Variants in CWH43 observed in about 807,000 individuals in gnomAD.
CWH43 encodes the protein cell wall biogenesis 43 C-terminal homolog.
In CWH43, 91 loss-of-function variants were observed where a neutral mutation model predicts 85.7. The ratio of observed to expected loss-of-function variants is 1.06; its 90% CI spans 0.90 to 1.26. CWH43 has a LOEUF of 1.26. CWH43 is among the 50% of genes most tolerant of loss of function. The pLI is 0.00. For missense variants in CWH43, 869 were observed against 839.2 expected (o/e 1.04, Z -0.44); for synonymous variants, 323 against 293.6 (o/e 1.10, Z -1.02).
chr4:49,057,064 A>G (rs1169916575), intron 15 of CWH43, among the ~76,000 whole-genome samples: 2 of 152,220 alleles, frequency 1.3e-5, no homozygotes, highest in East Asian at 1.9e-4. Context: ...GTGGCCTAAC[A>G]TAAGATTTGT....
chr4:48,997,052 C>G (rs1223471291), intron 5 of CWH43, among the ~76,000 whole-genome samples: 1 of 152,178 alleles, frequency 6.6e-6, no homozygotes, highest in African/African-American at 2.4e-5. Context: ...ATATTAGAGA[C>G]TTTTGCAGGT....
chr4:49,046,016 G>C (rs1293882263), intron 14 of CWH43, among the ~76,000 whole-genome samples: 1 of 151,898 alleles, frequency 6.6e-6, no homozygotes, highest in Non-Finnish European at 1.5e-5. Context: ...CCTTCTCCCT[G>C]TTCTCCCCCA....
At chr4:49,050,898 T>C (rs1248758157) in intron 15 of CWH43, 49 bp downstream of exon 15, 1 of 1,358,434 alleles carries the variant, frequency 7.4e-7, no homozygotes, top group African/African-American at 1.5e-5. Flanking sequence ...TGCATCCCTC[T>C]ATGGAACCTA....
At chr4:49,059,268 A>T (rs769861690) in intron 15 of CWH43, among the ~76,000 whole-genome samples, 1 of 152,068 alleles carries the variant, frequency 6.6e-6, no homozygotes, top group Non-Finnish European at 1.5e-5. Context: ...CAGTTTAGTT[A>T]TGATGTTCCT....
chr4:48,990,050 C>T (rs1230297785), intron 2 of CWH43, among the ~76,000 whole-genome samples: 1 of 152,118 alleles, frequency 6.6e-6, no homozygotes, highest in Non-Finnish European at 1.5e-5. Flanking sequence ...TTGGTGCTGC[C>T]TATGTGGGCC....
intron 1 of CWH43, 131 bp from the exon 2 acceptor site, chr4:48,988,346 T>A: frequency 1.6e-6 from 1 of 611,346 alleles, no homozygotes; most frequent in Non-Finnish European, 2.7e-6. Context: ...TGGAGACAAC[T>A]GGAACCCAGT....
chr4:48,994,431 A>G (rs572087478), intron 4 of CWH43, among the ~76,000 whole-genome samples, 188 bp from the exon 5 acceptor site: 1 of 152,328 alleles, frequency 6.6e-6, no homozygotes, highest in South Asian at 2.1e-4. Flanking sequence ...CCTGCATGGA[A>G]TTATGTCTCC....
At chr4:49,007,075 A>G (rs1317519170) in intron 7 of CWH43, 126 bp from the exon 8 acceptor site, 2 of 1,078,640 alleles carry the variant, frequency 1.9e-6, no homozygotes, top group Non-Finnish European at 2.5e-6. Flanking sequence ...AGGTTCTGAG[A>G]TAAATTAAAT....
chr4:49,041,553 A>G (rs1784463592), intron 13 of CWH43, among the ~76,000 whole-genome samples: 1 of 152,122 alleles, frequency 6.6e-6, no homozygotes, highest in Admixed American at 6.6e-5. Flanking sequence ...TTTGTCTATT[A>G]TTGGTGTATA....
intron 7 of CWH43, among the ~76,000 whole-genome samples, chr4:49,006,630 A>C (rs1783165405): frequency 6.6e-6 from 1 of 152,152 alleles, no homozygotes; most frequent in African/African-American, 2.4e-5. Context: ...AGATGAAGTA[A>C]GTAAACTTTA....
At chr4:49,040,587 G>A (rs1784427841) in intron 13 of CWH43, among the ~76,000 whole-genome samples, 1 of 152,122 alleles carries the variant, frequency 6.6e-6, no homozygotes, top group Admixed American at 6.6e-5. Context: ...TTTTGATGGG[G>A]TTGTTTGTTT....
intron 13 of CWH43, among the ~76,000 whole-genome samples, chr4:49,039,013 G>A (rs954583257): frequency 9.3e-5 from 14 of 150,684 alleles, no homozygotes; most frequent in South Asian, 6.3e-4. Flanking sequence ...AGCTGAGATC[G>A]CACCACTACA....
At chr4:49,007,528 AG>A (rs1394054027) in intron 8 of CWH43, among the ~76,000 whole-genome samples, 2 of 152,152 alleles carry the variant, frequency 1.3e-5, no homozygotes, top group Non-Finnish European at 2.9e-5. Context: ...CACAACGTGC[AG>A]GTTTGTTACA....
chr4:49,050,439 T>C (rs1784756949), intron 14 of CWH43, among the ~76,000 whole-genome samples: 7 of 152,160 alleles, frequency 4.6e-5, no homozygotes, highest in Admixed American at 4.6e-4. Context: ...TATTCATTAG[T>C]ATAAAAAAAG....
intron 11 of CWH43, chr4:49,031,210 G>T: frequency 2.6e-6 from 1 of 377,504 alleles, no homozygotes; most frequent in South Asian, 7.6e-5. Context: ...CACCAAGCAT[G>T]TCTGGCCTGG....
rs78996420 is a variant in CWH43, at chr4:48,998,459, G to A, written c.714-1G>A. On this transcript the variant is annotated splice_acceptor_variant, in intron 5 of 15. Transcript: ENST00000226432. LOFTEE classifies it high-confidence loss of function. The stretch of plus-strand genomic sequence containing the variant: ...GTCTTAGAGCATGTCCTTTTTCACA[G>A]AGGTGCAGTACTGCTGTGCTTGGCA... 4.9e-5 allele frequency: 79 copies of A among 1,610,992 alleles called. No homozygotes were observed. In the East Asian group the frequency reaches 1.7e-3, roughly 35 times the overall value.
Position 48,991,534 on chromosome 4 carries a change from G to A in CWH43, c.316G>A (p.Val106Met). 1 of 1,614,048 alleles carries A rather than the reference G, an allele frequency of 6.2e-7. No individual in the cohort carries two copies. The highest frequency in any genetic ancestry group is 8.5e-7 in the Non-Finnish European group (1 of 1,179,976). ...LALGVSSSLI[V>M]QAVTWWSGSH... ...GCTTGGGGTGTCTTCCTCACTGATAGTGCAAGCTGTGACTTGGTGGTCAGG... is the reference window on the plus strand; with the variant it reads ...GCTTGGGGTGTCTTCCTCACTGATAATGCAAGCTGTGACTTGGTGGTCAGG... Residue 106 changes from valine (V) to methionine (M), a missense_variant, in exon 3 of 16, where the codon GTG (valine) becomes ATG (methionine). Physicochemically the swap from Val to Met is conservative, Grantham distance 21 (BLOSUM62 1). Around this residue, in one of 3 missense-constraint regions of CWH43, gnomAD observed 140 missense variants for 122.6 expected, o/e 1.14. Coordinates refer to ENST00000226432, the MANE Select transcript of CWH43 (RefSeq NM_025087.3).
At chr4:49,039,127 T>A (rs1784357820) in intron 13 of CWH43, among the ~76,000 whole-genome samples, 1 of 141,728 alleles carries the variant, frequency 7.1e-6, no homozygotes, top group East Asian at 2.1e-4. Flanking sequence ...AAAAAAAGAA[T>A]TGAGAGTAAA....
rs532940506 is a variant in CWH43, at chr4:49,016,943, A to G, written c.1187-306A>G. 8.0e-5 allele frequency: 63 copies of G among 784,082 alleles called. No individual in the cohort carries two copies. The East Asian group carries it at 8.3e-4, about 10-fold the overall frequency. The allele number at this position is 784,082 out of a possible 1,614,324, so 48.6% of individuals were successfully genotyped here. A position where few individuals can be genotyped will look rare whatever the true frequency, so the allele number is the denominator to read the frequency against. On this transcript the variant is annotated intron_variant, in intron 8 of 15. Coordinates refer to ENST00000226432, the MANE Select transcript of CWH43 (RefSeq NM_025087.3). ...GGCTGATCTCCCCAGTAAAGGCCCC[A>G]TTAGTCACTTTGTAGCAGTTCTGCG...
Sources: allele counts gnomAD v4.1 joint callset (sites outside exome capture counted in the v4.1 genomes callset), GRCh38; gene constraint gnomAD v4.1.1; regional missense constraint gnomAD v4.1.1; transcripts MANE v1.5; gene names NCBI Gene and HGNC (gene_info 2026-07-23, HGNC 2026-07-21).